The following PTPRG variants were observed in gnomAD, a reference collection of about 807,000 sequenced individuals.
PTPRG encodes receptor-type tyrosine-protein phosphatase gamma.
Under a neutral mutation model 165.3 loss-of-function variants are expected in PTPRG, and 102 were observed. That is an observed-to-expected ratio of 0.62 (90% CI 0.53 to 0.73). The LOEUF is 0.73. Among genes scored for constraint, PTPRG ranks in the 30% least tolerant of loss-of-function variants. The probability of loss-of-function intolerance (pLI) is 0.00; values close to 1 mark genes in which losing one functional copy is unlikely to be tolerated. For synonymous variants in PTPRG, 675 were observed against 669.5 expected (o/e 1.01, Z -0.13); for missense variants, 1,866 against 1,861.4 (o/e 1.00, Z -0.05).
At chr3:61,809,861 G>A (rs1334340459) in intron 2 of PTPRG, among the ~76,000 whole-genome samples, 1 of 152,178 alleles carries the variant, frequency 6.6e-6, no homozygotes, top group Non-Finnish European at 1.5e-5. Flanking sequence ...GAAGCTCTGT[G>A]CTCTCTTGAT....
chr3:62,111,296 C>T (rs2106859302), intron 5 of PTPRG, among the ~76,000 whole-genome samples: 1 of 152,310 alleles, frequency 6.6e-6, no homozygotes, highest in East Asian at 1.9e-4. Flanking sequence ...TTTCCCAGAA[C>T]ATCCTTTGAG....
chr3:61,775,099 C>G (rs1179894502), intron 2 of PTPRG, among the ~76,000 whole-genome samples: 1 of 152,118 alleles, frequency 6.6e-6, no homozygotes, highest in African/African-American at 2.4e-5. Context: ...GAGACAGAGT[C>G]TTACTCTGTC....
chr3:61,691,514 C>CTG (rs1414004330), intron 1 of PTPRG, among the ~76,000 whole-genome samples: 1 of 152,152 alleles, frequency 6.6e-6, no homozygotes, highest in Non-Finnish European at 1.5e-5. Flanking sequence ...ATGTATATCT[C>CTG]TGTGTGTGTC....
intron 1 of PTPRG, among the ~76,000 whole-genome samples, chr3:61,619,764 T>C (rs1045030466): frequency 6.6e-6 from 1 of 152,174 alleles, no homozygotes; most frequent in Non-Finnish European, 1.5e-5. Flanking sequence ...AGCAGGTAAC[T>C]GGTATTGTGG....
intron 2 of PTPRG, among the ~76,000 whole-genome samples, chr3:61,959,463 C>T (rs2040102633): frequency 6.6e-6 from 1 of 152,184 alleles, no homozygotes; most frequent in Non-Finnish European, 1.5e-5. Context: ...CCCTTGAATG[C>T]GCAGTTCACA....
intron 2 of PTPRG, among the ~76,000 whole-genome samples, chr3:61,978,501 A>G (rs1176451369): frequency 2.6e-5 from 3 of 116,758 alleles, no homozygotes; most frequent in African/African-American, 1.2e-4. Context: ...TAATAAAATA[A>G]GTTTGTAATA....
chr3:61,753,539 A>C, intron 2 of PTPRG: 1 of 441,532 alleles, frequency 2.3e-6, no homozygotes, highest in Admixed American at 2.6e-5. Flanking sequence ...AAGAGAAATG[A>C]AAAATAAATC....
chr3:61,726,821 G>T (rs1273018941), intron 1 of PTPRG, among the ~76,000 whole-genome samples: 1 of 152,160 alleles, frequency 6.6e-6, no homozygotes, highest in Non-Finnish European at 1.5e-5. Context: ...GCCGAGGCGG[G>T]CGGATCACGA....
intron 2 of PTPRG, among the ~76,000 whole-genome samples, chr3:61,781,019 C>T (rs1446720935): frequency 6.6e-6 from 1 of 152,178 alleles, no homozygotes; most frequent in African/African-American, 2.4e-5. Flanking sequence ...GAGTATTTGA[C>T]TTGGGTCTCT....
chr3:61,600,169 A>T (rs937162177), intron 1 of PTPRG, among the ~76,000 whole-genome samples: 1,035 of 99,932 alleles, frequency 0.01, 5 homozygotes, highest in Non-Finnish European at 0.014. Flanking sequence ...CAAAAAAAAA[A>T]AAAAATATAT....
chr3:61,818,231 A>G (rs557835027), intron 2 of PTPRG, among the ~76,000 whole-genome samples: 9 of 152,342 alleles, frequency 5.9e-5, no homozygotes, highest in African/African-American at 2.2e-4. Flanking sequence ...CTCATAAAAG[A>G]GTTGAACACT....
At chr3:62,008,577 A>G (rs2041348026) in intron 4 of PTPRG, among the ~76,000 whole-genome samples, 2 of 152,208 alleles carry the variant, frequency 1.3e-5, no homozygotes, top group African/African-American at 4.8e-5. Flanking sequence ...TTGAGGCCAG[A>G]TGTTTTAGAA....
chr3:61,928,647 T>C (rs9822989), intron 2 of PTPRG, among the ~76,000 whole-genome samples: 116,360 of 152,074 alleles, frequency 0.77, 44,781 homozygotes, highest in Middle Eastern at 0.84. Context: ...TACTATGCTT[T>C]TAAGAAGACA....
chr3:61,620,209 A>G (rs995949932), intron 1 of PTPRG, among the ~76,000 whole-genome samples: 1 of 152,188 alleles, frequency 6.6e-6, no homozygotes, highest in Non-Finnish European at 1.5e-5. Flanking sequence ...GCTGATAACA[A>G]CAGGGTTCAT....
At position 62,127,189 on chromosome 3, in the gene PTPRG, G is replaced by T. The variant is rs578104504; in HGVS notation, c.616-5413G>T. Among the ~76,000 whole-genome samples the T allele has an allele frequency of 2.6e-5, 4 of 152,296 alleles. No homozygotes were observed. In the East Asian group the frequency reaches 7.7e-4, roughly 29 times the overall value. ...AAGCCAGGCAGTGATCTCTTTCTGGGTAAGGGCTAACCAAAATGCAAGGAT... is the reference window on the plus strand; with the variant it reads ...AAGCCAGGCAGTGATCTCTTTCTGGTTAAGGGCTAACCAAAATGCAAGGAT... On this transcript the variant is annotated intron_variant, in intron 5 of 29. Transcript: ENST00000474889.
chr3:62,218,178 G>A (rs1269049635), intron 12 of PTPRG, among the ~76,000 whole-genome samples: 1 of 152,182 alleles, frequency 6.6e-6, no homozygotes, highest in Non-Finnish European at 1.5e-5. Flanking sequence ...AGAGTCGGTG[G>A]TTGAGATTCT....
intron 8 of PTPRG, among the ~76,000 whole-genome samples, chr3:62,185,467 C>T (rs184729777): frequency 5.3e-5 from 8 of 152,282 alleles, no homozygotes; most frequent in Non-Finnish European, 4.4e-5. Context: ...CTGTGGTGTG[C>T]CCTCGAGAGT....
At chr3:62,197,541 G>A (rs1162419144) in intron 10 of PTPRG, among the ~76,000 whole-genome samples, 2 of 152,048 alleles carry the variant, frequency 1.3e-5, no homozygotes, top group African/African-American at 4.8e-5. Context: ...CTTTCCCTGT[G>A]TCGAGGAAGG....
At chr3:62,187,973 A>G (rs1260761312) in intron 8 of PTPRG, among the ~76,000 whole-genome samples, 3 of 152,196 alleles carry the variant, frequency 2.0e-5, no homozygotes, top group Non-Finnish European at 4.4e-5. Context: ...GTATTTTTTA[A>G]TACATTGAGA....
Sources: allele counts gnomAD v4.1 joint callset (sites outside exome capture counted in the v4.1 genomes callset), GRCh38; gene constraint gnomAD v4.1.1; transcripts MANE v1.5; gene names NCBI Gene and HGNC (gene_info 2026-07-23, HGNC 2026-07-21).